The following TMX1 variants were observed in gnomAD, a reference collection of about 807,000 sequenced individuals.
TMX1 encodes thioredoxin-related transmembrane protein 1.
In TMX1, 25 loss-of-function variants were observed where a neutral mutation model predicts 36.6. The ratio of observed to expected loss-of-function variants is 0.68; its 90% CI spans 0.50 to 0.95. The LOEUF (loss-of-function observed/expected upper bound fraction) is 0.95, where lower values mean the gene tolerates loss of function less well. Among genes scored for constraint, TMX1 ranks in the 40% least tolerant of loss-of-function variants. TMX1 has a pLI of 0.00. For synonymous variants in TMX1, 133 were observed against 118.0 expected, an observed-to-expected ratio of 1.13 and a Z score of -0.82; for missense variants, 347 against 339.6, an observed-to-expected ratio of 1.02 and a Z score of -0.17.
chr14:51,249,471 T>G lies in TMX1; in HGVS notation c.493T>G (p.Cys165Gly). 1 of 1,602,624 alleles carries G rather than the reference T, an allele frequency of 6.2e-7. No homozygotes were observed. The highest frequency in any genetic ancestry group is 8.5e-7 in the Non-Finnish European group (1 of 1,176,800). Residue 165 changes from cysteine to glycine, a missense_variant, in exon 6 of 8, where the codon TGC (cysteine) becomes GGC (glycine). Coordinates refer to ENST00000457354, the MANE Select transcript of TMX1 (RefSeq NM_030755.5). ...LFQLSMWIRT[C>G]HNYFIEDLGL... The stretch of plus-strand genomic sequence containing the variant: ...TTTTTTTTTCTTTTGATTTTAGACT[T>G]GCCATAACTACTTTATTGAAGACCT...
chr14:51,240,953 C>T (rs1455109625), intron 1 of TMX1, among the ~76,000 whole-genome samples: 1 of 151,842 alleles, frequency 6.6e-6, no homozygotes, highest in African/African-American at 2.4e-5. Flanking sequence ...GGATTGGGTA[C>T]GTTTCTTTTT....
In TMX1 at chr14:51,249,342, GCA is replaced by G; in HGVS notation, c.462_463del (p.Phe156SerfsTer11). On this transcript the variant is annotated frameshift_variant, in exon 5 of 8. Coordinates refer to ENST00000457354, the MANE Select transcript of TMX1 (RefSeq NM_030755.5). LOFTEE classifies it high-confidence loss of function. ...TATTTTTAGGATGAGTAGTATGTCA[GCA>G]CTCTTTCAGCTATCTATGTGGATCA... ...PGSVLMSSMS[A>X]LFQLSMWIRT... 6.2e-7 allele frequency: 1 copy of G among 1,606,964 alleles called. No homozygotes were observed. The highest frequency in any genetic ancestry group is 8.5e-7 in the Non-Finnish European group (1 of 1,177,790).
chr14:51,254,503 C>A lies in TMX1; in HGVS notation c.827C>A (p.Ala276Asp), dbSNP rs1287032176. Residue 276 changes from alanine to aspartate, a missense_variant, in exon 8 of 8, where the codon GCC (alanine) becomes GAC (aspartate). Transcript: ENST00000457354. ...IRQRSLGPSLATDKS is the reference protein window; with the variant it reads ...IRQRSLGPSLDTDKS ...CAACGCTCTCTGGGTCCATCATTGGCCACAGATAAATCCTAGTTAAATTTT... is the reference window on the plus strand; with the variant it reads ...CAACGCTCTCTGGGTCCATCATTGGACACAGATAAATCCTAGTTAAATTTT... The A allele has an allele frequency of 3.8e-6, 6 of 1,595,898 alleles. No individual in the cohort carries two copies. The South Asian group carries it at 7.0e-5, about 19-fold the overall frequency.
chr14:51,247,927 TTC>T (rs1461784718), intron 4 of TMX1, among the ~76,000 whole-genome samples: 13 of 152,348 alleles, frequency 8.5e-5, no homozygotes, highest in African/African-American at 3.1e-4. Context: ...TCTTTTAATG[TTC>T]TGTCTCCATA....
chr14:51,241,945 C>A (rs947784971), intron 1 of TMX1, among the ~76,000 whole-genome samples: 1 of 152,130 alleles, frequency 6.6e-6, no homozygotes, highest in African/African-American at 2.4e-5. Flanking sequence ...CTGGCTAACA[C>A]GGTGAAACGC....
At chr14:51,244,040 A>G in intron 2 of TMX1, 69 bp downstream of exon 2, 1 of 1,265,268 alleles carries the variant, frequency 7.9e-7, no homozygotes, top group Non-Finnish European at 1.1e-6. Context: ...TTTTTTCTAC[A>G]TTGCATAGTC....
intron 1 of TMX1, among the ~76,000 whole-genome samples, 158 bp downstream of exon 1, chr14:51,240,602 C>T (rs1005243817): frequency 6.6e-6 from 1 of 152,150 alleles, no homozygotes; most frequent in Non-Finnish European, 1.5e-5. Flanking sequence ...TGGGATCTGC[C>T]GCCAGCTTGG....
intron 4 of TMX1, among the ~76,000 whole-genome samples, chr14:51,247,609 G>A (rs1490954412): frequency 3.3e-5 from 5 of 152,016 alleles, no homozygotes; most frequent in Non-Finnish European, 7.4e-5. Flanking sequence ...TGCCCACCTC[G>A]GCCTCCCAGA....
At chr14:51,243,452 C>T (rs1049239651) in intron 1 of TMX1, among the ~76,000 whole-genome samples, 8 of 152,222 alleles carry the variant, frequency 5.3e-5, no homozygotes, top group Non-Finnish European at 1.2e-4. Context: ...TTATTCACCA[C>T]AGCCCAGGAC....
intron 7 of TMX1, among the ~76,000 whole-genome samples, chr14:51,253,066 C>T (rs1295232139): frequency 2.0e-5 from 3 of 152,018 alleles, no homozygotes; most frequent in African/African-American, 7.2e-5. Context: ...TTTTTTTCTA[C>T]ACCCACCTAT....
chr14:51,241,083 T>C (rs2065758652), intron 1 of TMX1, among the ~76,000 whole-genome samples: 1 of 152,200 alleles, frequency 6.6e-6, no homozygotes, highest in African/African-American at 2.4e-5. Context: ...TTGGGTGTCT[T>C]TGTAGTGTAG....
Position 51,249,499 on chromosome 14 carries a change from G to T in TMX1, c.521G>T (p.Gly174Val). The T allele has an allele frequency of 1.2e-6, 2 of 1,612,994 alleles. No homozygotes were observed. The highest frequency in any genetic ancestry group is 4.5e-5 in the East Asian group (2 of 44,820). ...TCHNYFIEDLGLPVWGSYTVF... is the reference protein window; with the variant it reads ...TCHNYFIEDLVLPVWGSYTVF... ...CATAACTACTTTATTGAAGACCTTG[G>T]ATTGCCAGTGTGGGGATCATATACT... Residue 174 changes from glycine (G) to valine (V), a missense_variant, in exon 6 of 8, where the codon GGA becomes GTA. Gly to Val is a moderately radical substitution (Grantham distance 109). Transcript: ENST00000457354.
rs1008326627 is a variant in TMX1, at chr14:51,257,088, G to A, written c.*2569G>A. 1 of 151,834 alleles carries A rather than the reference G, an allele frequency of 6.6e-6. No individual in the cohort carries two copies. Among genetic ancestry groups the A allele is most frequent in the Non-Finnish European group, 1.5e-5 (1 of 67,984 alleles). The allele number at this position is 151,834 out of a possible 1,614,324, so 9.4% of individuals were successfully genotyped here. Reference sequence around the variant, plus strand: ...TCTGCCTCAGCCTCCCAAGTAGCTGGGATTACAGGCATGTGCCACCATGCC... The same window carrying A: ...TCTGCCTCAGCCTCCCAAGTAGCTGAGATTACAGGCATGTGCCACCATGCC... On this transcript the variant is annotated 3_prime_UTR_variant, in exon 8 of 8. Transcript: ENST00000457354.
chr14:51,249,428 A>G, intron 5 of TMX1, 40 bp from the exon 6 acceptor site: 3 of 1,586,110 alleles, frequency 1.9e-6, no homozygotes, highest in Non-Finnish European at 2.6e-6. Context: ...TTTAACAAAA[A>G]TGAACAGATT....
Position 51,247,192 on chromosome 14 carries a change from T to G in TMX1, c.415T>G (p.Ser139Ala). The change falls in exon 4 of 8, where the codon TCA becomes GCA. Residue 139 changes from serine (S) to alanine (A), a missense_variant. Ser to Ala is a moderately conservative substitution (Grantham distance 99, BLOSUM62 1). Coordinates refer to ENST00000457354, the MANE Select transcript of TMX1 (RefSeq NM_030755.5). ...DKEWKSIEPV[S>A]SWFGPGSVLM... ...AGAGTGGAAGAGTATTGAGCCCGTTTCATCATGGTTTGGTCCAGGTTCTGT... is the reference window on the plus strand; with the variant it reads ...AGAGTGGAAGAGTATTGAGCCCGTTGCATCATGGTTTGGTCCAGGTTCTGT... 2 of 1,613,674 alleles carry G rather than the reference T, an allele frequency of 1.2e-6. No homozygotes were observed. The highest frequency in any genetic ancestry group is 1.7e-6 in the Non-Finnish European group (2 of 1,179,808).
intron 7 of TMX1, among the ~76,000 whole-genome samples, chr14:51,253,526 C>G (rs2065824484): frequency 6.6e-6 from 1 of 152,170 alleles, no homozygotes; most frequent in Non-Finnish European, 1.5e-5. Context: ...CTGGCCCCAC[C>G]ATTCTTGATT....
chr14:51,241,820 C>T (rs1047402374), intron 1 of TMX1, among the ~76,000 whole-genome samples: 2 of 152,136 alleles, frequency 1.3e-5, no homozygotes, highest in African/African-American at 4.8e-5. Context: ...ATCAGTAAGT[C>T]CTGTGTTATT....
chr14:51,242,165 A>G (rs969508727), intron 1 of TMX1, among the ~76,000 whole-genome samples: 6 of 152,112 alleles, frequency 3.9e-5, no homozygotes, highest in Non-Finnish European at 8.8e-5. Flanking sequence ...AGGGTAAGAT[A>G]AAGGGAAATT....
At chr14:51,245,434 G>T (rs1397079683) in intron 3 of TMX1, 76 bp downstream of exon 3, 1 of 1,590,150 alleles carries the variant, frequency 6.3e-7, no homozygotes, top group Non-Finnish European at 8.6e-7. Flanking sequence ...CTCTGGCTTG[G>T]ATCATGCTGG....
Sources: gnomAD v4.1 joint callset for allele counts (sites outside exome capture counted in the v4.1 genomes callset) on GRCh38, gnomAD v4.1.1 for gene constraint, MANE v1.5 for transcripts, NCBI Gene and HGNC (gene_info 2026-07-23, HGNC 2026-07-21) for gene names.